UBE3C: variants seen among roughly 807,000 people sequenced by gnomAD.
UBE3C encodes the protein ubiquitin protein ligase E3C, also known as ubiquitin-protein ligase E3C.
A neutral mutation model predicts 129.4 loss-of-function variants in UBE3C; 42 were observed. That is an observed-to-expected ratio of 0.32 (90% confidence interval 0.25 to 0.42). The LOEUF (loss-of-function observed/expected upper bound fraction) is 0.42, where lower values mean the gene tolerates loss of function less well. Among genes scored for constraint, UBE3C ranks in the 10% least tolerant of loss-of-function variants. The pLI is 1.00. For synonymous variants in UBE3C, 510 were observed against 492.4 expected (o/e 1.04, Z -0.47); for missense variants, 1,049 against 1,319.1 (o/e 0.80, Z 3.17).
intron 1 of UBE3C, among the ~76,000 whole-genome samples, chr7:157,147,231 A>G (rs564209027): frequency 8.5e-5 from 13 of 152,334 alleles, no homozygotes; most frequent in African/African-American, 2.9e-4. Context: ...TTTTCCTTAT[A>G]TATACCTTAT....
chr7:157,250,636 A>G (rs539813278), intron 19 of UBE3C, among the ~76,000 whole-genome samples: 8 of 152,232 alleles, frequency 5.3e-5, no homozygotes, highest in African/African-American at 1.9e-4. Flanking sequence ...AGCCATATTT[A>G]TTTGGTTACA....
At chr7:157,229,920 AT>A (rs1478805978) in intron 17 of UBE3C, among the ~76,000 whole-genome samples, 1 of 100,784 alleles carries the variant, frequency 9.9e-6, no homozygotes, top group African/African-American at 2.6e-5. Context: ...GTTTTAATTT[AT>A]TTATTTTTTT....
Position 157,267,827 on chromosome 7 carries a change from G to C in UBE3C, c.*72G>C. ...GTCAGCAGCGCCTCCCCAGACCCAC[G>C]AGGATACTCACACTGCACGCCTGAG... On this transcript the variant is annotated 3_prime_UTR_variant, in exon 23 of 23. Coordinates refer to ENST00000348165, the MANE Select transcript of UBE3C (RefSeq NM_014671.3). 1.5e-6 allele frequency: 2 copies of C among 1,378,590 alleles called. No homozygotes were observed. The highest frequency in any genetic ancestry group is 1.9e-6 in the Non-Finnish European group (2 of 1,028,842). The allele number at this position is 1,378,590 out of a possible 1,614,324, so 85.4% of individuals were successfully genotyped here. A position where few individuals can be genotyped will look rare whatever the true frequency, so the allele number is the denominator to read the frequency against.
chr7:157,226,079 C>T (rs1011771605), intron 17 of UBE3C, among the ~76,000 whole-genome samples: 1 of 152,096 alleles, frequency 6.6e-6, no homozygotes. Context: ...GTAACCAGTT[C>T]CCCACCTCCT....
chr7:157,143,147 A>G (rs1807504828), intron 1 of UBE3C, among the ~76,000 whole-genome samples: 2 of 152,114 alleles, frequency 1.3e-5, no homozygotes, highest in South Asian at 4.1e-4. Context: ...GATTACAGGT[A>G]TGAGCCACTG....
Position 157,183,892 on chromosome 7 carries a change from G to C in UBE3C, c.1006G>C (p.Glu336Gln). Reference protein sequence around the residue: ...GENYLGALSEEGLLVYLRVLQ... With the variant: ...GENYLGALSEQGLLVYLRVLQ... ...GTTTTGCAAAGGGGCCCTCTCTGAG[G>C]AAGGGCTGCTGGTGTATTTGCGGGT... The change falls in exon 9 of 23, where the codon GAA becomes CAA. Residue 336 changes from glutamate to glutamine, a missense_variant. Coordinates refer to ENST00000348165, the MANE Select transcript of UBE3C (RefSeq NM_014671.3). 1 of 1,613,436 alleles carries C rather than the reference G, an allele frequency of 6.2e-7. No homozygotes were observed. Among genetic ancestry groups the C allele is most frequent in the Middle Eastern group, 1.7e-4 (1 of 6,054 alleles).
At chr7:157,148,253 A>C (rs1807660280) in intron 1 of UBE3C, among the ~76,000 whole-genome samples, 1 of 151,736 alleles carries the variant, frequency 6.6e-6, no homozygotes, top group African/African-American at 2.4e-5. Context: ...GGCGCCCACC[A>C]CCAGGCCTGG....
At chr7:157,158,250 T>C (rs545303924) in intron 1 of UBE3C, among the ~76,000 whole-genome samples, 1 of 152,020 alleles carries the variant, frequency 6.6e-6, no homozygotes, top group African/African-American at 2.4e-5. Context: ...ACAAATATAA[T>C]GAAGCCTTTT....
intron 2 of UBE3C, among the ~76,000 whole-genome samples, chr7:157,165,908 G>T: frequency 6.6e-6 from 1 of 152,066 alleles, no homozygotes; most frequent in Non-Finnish European, 1.5e-5. Flanking sequence ...ATCTGATGGG[G>T]TTTCCTTTAT....
At chr7:157,241,685 CAT>C (rs1214516215) in intron 18 of UBE3C, among the ~76,000 whole-genome samples, 1 of 152,190 alleles carries the variant, frequency 6.6e-6, no homozygotes, top group African/African-American at 2.4e-5. Flanking sequence ...ACCCAGCAAA[CAT>C]ATTTACCCAA....
intron 10 of UBE3C, chr7:157,197,511 T>TG: frequency 9.3e-6 from 3 of 323,640 alleles, no homozygotes; most frequent in South Asian, 8.0e-5. Flanking sequence ...AATAATTTGT[T>TG]TTTTTTTTTT....
At chr7:157,211,318 A>G (rs6969244) in intron 13 of UBE3C, among the ~76,000 whole-genome samples, 70,729 of 152,064 alleles carry the variant, frequency 0.47, 18,651 homozygotes, top group African/African-American at 0.73. Context: ...CTAACATGCG[A>G]CCATTTGACT....
At chr7:157,176,010 A>C (rs1344591716) in intron 5 of UBE3C, among the ~76,000 whole-genome samples, 1 of 152,228 alleles carries the variant, frequency 6.6e-6, no homozygotes, top group Non-Finnish European at 1.5e-5. Flanking sequence ...AGCCGTACAA[A>C]AAACAGCCCT....
At chr7:157,255,170 G>A (rs138585580) in intron 21 of UBE3C, among the ~76,000 whole-genome samples, 1,627 of 152,152 alleles carry the variant, frequency 0.011, 13 homozygotes, top group Non-Finnish European at 0.017. Flanking sequence ...AAAAAAACCA[G>A]ATGTTTAACA....
chr7:157,178,038 A>C (rs1808569227), intron 5 of UBE3C, among the ~76,000 whole-genome samples: 1 of 152,112 alleles, frequency 6.6e-6, no homozygotes, highest in Non-Finnish European at 1.5e-5. Flanking sequence ...TTGATAGAAA[A>C]AAGGATTGGG....
intron 19 of UBE3C, among the ~76,000 whole-genome samples, chr7:157,251,511 A>AGT (rs1290272738): frequency 2.0e-5 from 3 of 152,190 alleles, no homozygotes; most frequent in Non-Finnish European, 4.4e-5. Flanking sequence ...GGCTTAAGGA[A>AGT]GTCACAAGAC....
At chr7:157,243,607 TG>T (rs1484764422) in intron 18 of UBE3C, among the ~76,000 whole-genome samples, 1 of 152,152 alleles carries the variant, frequency 6.6e-6, no homozygotes, top group Non-Finnish European at 1.5e-5. Context: ...CTGCTGTTCC[TG>T]CATGTGAGGC....
intron 13 of UBE3C, among the ~76,000 whole-genome samples, chr7:157,208,290 G>A (rs781206027): frequency 6.6e-6 from 1 of 151,688 alleles, no homozygotes; most frequent in Non-Finnish European, 1.5e-5. Flanking sequence ...TACCCAGGCT[G>A]GTCTCAAATT....
chr7:157,175,142 T>A, intron 5 of UBE3C, 108 bp downstream of exon 5: 1 of 641,162 alleles, frequency 1.6e-6, no homozygotes, highest in Non-Finnish European at 2.3e-6. Flanking sequence ...CCATACTTTT[T>A]TTTTTTTTTT....
Sources: gnomAD v4.1 joint callset for allele counts (sites outside exome capture counted in the v4.1 genomes callset) on GRCh38, gnomAD v4.1.1 for gene constraint, MANE v1.5 for transcripts, NCBI Gene and HGNC (gene_info 2026-07-23, HGNC 2026-07-21) for gene names.